The following COL1A2 variants were observed in gnomAD, a reference collection of about 807,000 sequenced individuals.
COL1A2 encodes collagen type I alpha 2 chain.
A neutral mutation model predicts 174.3 loss-of-function variants in COL1A2; 49 were observed. The ratio of observed to expected loss-of-function variants is 0.28; its 90% CI spans 0.22 to 0.36. COL1A2 has a LOEUF of 0.36. COL1A2 is among the 10% of genes least tolerant of loss of function. COL1A2 has a pLI of 1.00. For synonymous variants in COL1A2, 655 were observed against 606.6 expected, an observed-to-expected ratio of 1.08 and a Z score of -1.17; for missense variants, 1,438 against 1,822.7, an observed-to-expected ratio of 0.79 and a Z score of 3.84.
In COL1A2 at chr7:94,397,749, T is replaced by C. The variant is rs753471051; in HGVS notation, c.72T>C (p.Ser24=). The C allele has an allele frequency of 1.5e-6, 2 of 1,311,330 alleles. No individual in the cohort carries two copies. Among genetic ancestry groups the C allele is most frequent in the South Asian group, 1.2e-5 (1 of 81,698 alleles). 81.2% of individuals were successfully genotyped at this position (1,311,330 alleles called of 1,614,324 possible). The part of the protein sequence containing the change: ...AVTLCLATCQ[S]LQEETVRKGP... ...ACTTTTTCTTTTTTTTTTCTACAGCTTTACAAGAGGTGAGTAAAACTTTTT... is the reference window on the plus strand; with the variant it reads ...ACTTTTTCTTTTTTTTTTCTACAGCCTTACAAGAGGTGAGTAAAACTTTTT... Residue 24 remains serine, a splice_region_variant and synonymous_variant, in exon 2 of 52, where the codon TCT becomes TCC. Coordinates refer to ENST00000297268, the MANE Select transcript of COL1A2 (RefSeq NM_000089.4).
chr7:94,425,740 C>T lies in COL1A2; in HGVS notation c.2836-10C>T. The T allele has an allele frequency of 1.2e-6, 2 of 1,613,848 alleles. No homozygotes were observed. Among genetic ancestry groups the T allele is most frequent in the Non-Finnish European group, 1.7e-6 (2 of 1,179,912 alleles). Reference sequence around the variant, plus strand: ...CAGATTGATGCTAAGCTTCATTTTGCCTTTGGTAGGGAGAGCGCGGTTACC... The same window carrying T: ...CAGATTGATGCTAAGCTTCATTTTGTCTTTGGTAGGGAGAGCGCGGTTACC... On this transcript the variant is annotated splice_polypyrimidine_tract_variant and intron_variant, in intron 43 of 51. Coordinates refer to ENST00000297268, the MANE Select transcript of COL1A2 (RefSeq NM_000089.4).
In COL1A2 at chr7:94,406,398, A is replaced by G; in HGVS notation, c.594+95A>G. The G allele has an allele frequency of 4.5e-6, 5 of 1,118,998 alleles. No individual in the cohort carries two copies. In the South Asian group the frequency reaches 6.5e-5, roughly 15 times the overall value. 69.3% of individuals were successfully genotyped at this position (1,118,998 alleles called of 1,614,324 possible). A position where few individuals can be genotyped will look rare whatever the true frequency, so the allele number is the denominator to read the frequency against. On this transcript the variant is annotated intron_variant, in intron 12 of 51. Coordinates refer to ENST00000297268, the MANE Select transcript of COL1A2 (RefSeq NM_000089.4). ...TATTATACTGAAGACTACCCATATT[A>G]CAAAAAGTATTTTTATTTTTTTTCT... is the stretch of plus-strand genomic sequence containing the variant.
At chr7:94,421,982 T>G in intron 39 of COL1A2, 30 bp downstream of exon 39, 1 of 1,605,760 alleles carries the variant, frequency 6.2e-7, no homozygotes, top group Non-Finnish European at 8.5e-7. Flanking sequence ...CGTGTCTTCA[T>G]TTACTCTAGC....
rs1283357114 is a variant in COL1A2, at chr7:94,424,933, T to C, written c.2674-184T>C. ...TCCCGTGATTACATAAAGCTGGCCA[T>C]CTACATGTGGAGAAGGAGGGCAGAG... On this transcript the variant is annotated intron_variant, in intron 41 of 51. Transcript: ENST00000297268. The C allele has an allele frequency of 9.4e-6, 6 of 637,654 alleles. No homozygotes were observed. The Middle Eastern group carries it at 1.4e-3, about 154-fold the overall frequency. The allele number at this position is 637,654 out of a possible 1,614,324, so 39.5% of individuals were successfully genotyped here. A position where few individuals can be genotyped will look rare whatever the true frequency, so the allele number is the denominator to read the frequency against.
chr7:94,423,381 G>A, intron 40 of COL1A2: 2 of 474,196 alleles, frequency 4.2e-6, no homozygotes, highest in East Asian at 4.3e-5. Context: ...CACCTTACTG[G>A]TACCAGGATT....
Position 94,410,445 on chromosome 7 carries a change from C to T in COL1A2, c.1115C>T (p.Pro372Leu), listed in dbSNP as rs980096146. ...EPGSAGPQGP[P>L]GPSGEEGKRG... ...GGCTCTGCTGGGCCCCAAGGTCCTC[C>T]TGGTCCCAGTGGTGAAGAAGGAAAG... The change falls in exon 21 of 52, where the codon CCT (proline) becomes CTT (leucine). Residue 372 changes from proline to leucine, a missense_variant. Physicochemically the swap from Pro to Leu is moderately conservative, Grantham distance 98. Transcript: ENST00000297268. The T allele has an allele frequency of 6.4e-7, 1 of 1,551,400 alleles. No homozygotes were observed.
rs1792305153 is a variant in COL1A2, at chr7:94,427,572, GTC to G, written c.3268-50_3268-49del. On this transcript the variant is annotated intron_variant, in intron 48 of 51. Transcript: ENST00000297268. ...CAACTGAAAATCTGCTGCCATGGATGTCTCTCACTGTAACAAAATATAAAGCC... is the reference window on the plus strand; with the variant it reads ...CAACTGAAAATCTGCTGCCATGGATGTCTCACTGTAACAAAATATAAAGCC... The G allele has an allele frequency of 4.4e-6, 7 of 1,600,360 alleles. No individual in the cohort carries two copies. The African/African-American group carries it at 6.7e-5, about 15-fold the overall frequency.
At chr7:94,405,113 C>G in intron 9 of COL1A2, 86 bp from the exon 10 acceptor site, 3 of 1,366,222 alleles carry the variant, frequency 2.2e-6, no homozygotes, top group Non-Finnish European at 3.1e-6. Context: ...TGATAACTTT[C>G]TCCCCTTTTG....
Position 94,405,232 on chromosome 7 carries a change from A to G in COL1A2, c.466A>G (p.Arg156Gly). ...HPGKPGRPGE[R>G]GVVGPQGARG... ...TGGAAAACCCGGACGACCTGGTGAG[A>G]GAGGAGTTGTTGGACCACAGGTGAG... is the stretch of plus-strand genomic sequence containing the variant. Residue 156 changes from arginine to glycine, a missense_variant, in exon 10 of 52, where the codon AGA (arginine) becomes GGA (glycine). This residue lies in a region of COL1A2 where 281 missense variants were observed against 310.9 expected (regional missense o/e 0.90). Transcript: ENST00000297268. 6.2e-7 allele frequency: 1 copy of G among 1,614,008 alleles called. No homozygotes were observed. Among genetic ancestry groups the G allele is most frequent in the Non-Finnish European group, 8.5e-7 (1 of 1,179,928 alleles).
rs751649426 is a variant in COL1A2, at chr7:94,425,155, G to A, written c.2712G>A (p.Gly904=). 4 of 1,614,040 alleles carry A rather than the reference G, an allele frequency of 2.5e-6. No homozygotes were observed. In the South Asian group the frequency reaches 4.4e-5, roughly 18 times the overall value. Residue 904 remains glycine (G), a synonymous_variant, in exon 42 of 52, where the codon GGG becomes GGA. Coordinates refer to ENST00000297268, the MANE Select transcript of COL1A2 (RefSeq NM_000089.4). ...CTCTTGGCATTGCCGGCCCTCCTGG[G>A]GCCCGTGGTCCTCCTGGTGCTGTGG... The part of the protein sequence containing the change: ...PGPLGIAGPP[G]ARGPPGAVGS...
rs1792312299 is a variant in COL1A2, at chr7:94,427,730, C to T, written c.3371C>T (p.Ser1124Leu). 1.2e-6 allele frequency: 2 copies of T among 1,614,050 alleles called. No individual in the cohort carries two copies. The highest frequency in any genetic ancestry group is 2.7e-5 in the African/African-American group (2 of 74,904). Reference sequence around the variant, plus strand: ...TTCTACAGGGCTGACCAGCCTCGCTCAGCACCTTCTCTCAGACCCAAGGAC... The same window carrying T: ...TTCTACAGGGCTGACCAGCCTCGCTTAGCACCTTCTCTCAGACCCAAGGAC... The part of the protein sequence containing the change: ...GDFYRADQPR[S>L]APSLRPKDYE... The change falls in exon 49 of 52, where the codon TCA (serine) becomes TTA (leucine). Residue 1124 changes from serine (S) to leucine (L), a missense_variant. Physicochemically the swap from Ser to Leu is moderately radical, Grantham distance 145. Coordinates refer to ENST00000297268, the MANE Select transcript of COL1A2 (RefSeq NM_000089.4).
Position 94,399,036 on chromosome 7 carries a change from A to G in COL1A2, c.97-13A>G. 1 of 1,613,350 alleles carries G rather than the reference A, an allele frequency of 6.2e-7. No individual in the cohort carries two copies. Among genetic ancestry groups the G allele is most frequent in the East Asian group, 2.2e-5 (1 of 44,844 alleles). On this transcript the variant is annotated splice_polypyrimidine_tract_variant and intron_variant, in intron 3 of 51. Coordinates refer to ENST00000297268, the MANE Select transcript of COL1A2 (RefSeq NM_000089.4). Reference sequence around the variant, plus strand: ...AGGCATTTATTATTGTCCTGTTTGTATCTTTCCTGTAGGGCCCAGCCGGAG... The same window carrying G: ...AGGCATTTATTATTGTCCTGTTTGTGTCTTTCCTGTAGGGCCCAGCCGGAG...
chr7:94,400,556 TAG>T (rs1402695211), intron 5 of COL1A2, among the ~76,000 whole-genome samples: 5 of 152,160 alleles, frequency 3.3e-5, no homozygotes, highest in Non-Finnish European at 7.3e-5. Flanking sequence ...TATCTTTTAT[TAG>T]TAAGGCACAA....
rs1400256494 is a variant in COL1A2 at position 94,413,917 on chromosome 7, A to G, written c.1635A>G (p.Glu545=). The change falls in exon 28 of 52, where the codon GAA becomes GAG. Residue 545 remains glutamate (E), a synonymous_variant. Coordinates refer to ENST00000297268, the MANE Select transcript of COL1A2 (RefSeq NM_000089.4). ...GPQGVQGGKG[E]QGPPGPPGFQ... ...AGGGTGTTCAAGGTGGAAAAGGTGA[A>G]CAGGGTCCCCCTGGTCCTCCAGGCT... The G allele has an allele frequency of 6.2e-7, 1 of 1,613,972 alleles. No individual in the cohort carries two copies.
In COL1A2 at chr7:94,404,826, C is replaced by T. The variant is rs1342107999; in HGVS notation, c.379-13C>T. The T allele has an allele frequency of 2.5e-6, 4 of 1,613,992 alleles. No individual in the cohort carries two copies. The highest frequency in any genetic ancestry group is 3.4e-6 in the Non-Finnish European group (4 of 1,180,008). ...ATAACCTTAGTGAAATGATGGGTCT[C>T]CCATTTTCTTAGGGTCCTGCAGGTG... On this transcript the variant is annotated splice_polypyrimidine_tract_variant and intron_variant, in intron 8 of 51. Coordinates refer to ENST00000297268, the MANE Select transcript of COL1A2 (RefSeq NM_000089.4).
chr7:94,418,590 GA>G, intron 33 of COL1A2, 38 bp downstream of exon 33: 1 of 1,552,284 alleles, frequency 6.4e-7, no homozygotes, highest in Admixed American at 1.8e-5. Context: ...TTCGTACTTG[GA>G]TTTTTTTTTT....
chr7:94,412,702 T>C lies in COL1A2; in HGVS notation c.1503+20T>C, dbSNP rs369055166. ...CCCACTGTAAGAATCACCACAACTT[T>C]CTTACCCTCAGCACTTTCTGTAGCC... On this transcript the variant is annotated intron_variant, in intron 25 of 51. Coordinates refer to ENST00000297268, the MANE Select transcript of COL1A2 (RefSeq NM_000089.4). The C allele has an allele frequency of 1.2e-6, 2 of 1,607,272 alleles. No individual in the cohort carries two copies. Among genetic ancestry groups the C allele is most frequent in the African/African-American group, 2.7e-5 (2 of 74,754 alleles).
chr7:94,420,320 C>T (rs752398640), intron 35 of COL1A2, 34 bp downstream of exon 35: 3 of 1,614,114 alleles, frequency 1.9e-6, no homozygotes, highest in Admixed American at 1.7e-5. Flanking sequence ...TGTATACTCA[C>T]ACCTCACAAT....
chr7:94,407,253 T>TAAGGACCTCA (rs1791822247), intron 12 of COL1A2, among the ~76,000 whole-genome samples: 3 of 152,194 alleles, frequency 2.0e-5, no homozygotes, highest in African/African-American at 7.2e-5. Context: ...TTAAGGGTCC[T>TAAGGACCTCA]TATGAGGTCT....
Sources: allele counts gnomAD v4.1 joint callset (sites outside exome capture counted in the v4.1 genomes callset), GRCh38; gene constraint gnomAD v4.1.1; regional missense constraint gnomAD v4.1.1; transcripts MANE v1.5; gene names NCBI Gene and HGNC (gene_info 2026-07-23, HGNC 2026-07-21).